PITPNC1: variants seen among roughly 807,000 people sequenced by gnomAD.
PITPNC1 encodes cytoplasmic phosphatidylinositol transfer protein 1.
PITPNC1 carries 18 observed loss-of-function variants against 44.7 expected under a neutral mutation model. The ratio of observed to expected loss-of-function variants is 0.40; its 90% CI spans 0.28 to 0.60. The LOEUF is 0.60. Among genes scored for constraint, PITPNC1 ranks in the 20% least tolerant of loss-of-function variants. PITPNC1 has a pLI of 0.39. For synonymous variants in PITPNC1, 141 were observed against 149.6 expected (o/e 0.94, Z 0.42); for missense variants, 290 against 418.4 (o/e 0.69, Z 2.68).
At chr17:67,507,504 G>C (rs2040120480) in intron 1 of PITPNC1, among the ~76,000 whole-genome samples, 1 of 151,984 alleles carries the variant, frequency 6.6e-6, no homozygotes, top group South Asian at 2.1e-4. Flanking sequence ...GGTCAACATG[G>C]TGAAACCCCA....
rs1568013489 is a variant in PITPNC1 at position 67,495,047 on chromosome 17, TTTTTG to T, written c.49-37750_49-37746del. On this transcript the variant is annotated intron_variant, in intron 1 of 8. Coordinates refer to ENST00000581322, the MANE Select transcript of PITPNC1 (RefSeq NM_012417.4). The stretch of plus-strand genomic sequence containing the variant: ...ATATTGAGCCATGGAGTTGTTTTTT[TTTTTG>T]TTTTTTTTTTTTTTTTTTTTTTGAG... Among the ~76,000 whole-genome samples, 99 of 62,362 alleles carry T rather than the reference TTTTTG, an allele frequency of 1.6e-3. 4 individuals are homozygous for T. The highest frequency in any genetic ancestry group is 3.4e-3 in the African/African-American group (51 of 14,946). 40.9% of individuals were successfully genotyped at this position (62,362 alleles called of 152,430 possible).
intron 1 of PITPNC1, among the ~76,000 whole-genome samples, chr17:67,436,129 A>T (rs188799644): frequency 6.6e-6 from 1 of 150,406 alleles, no homozygotes; most frequent in Non-Finnish European, 1.5e-5. Flanking sequence ...AGTAGCTGGG[A>T]CTACAGATGT....
chr17:67,627,154 G>A (rs1264172079), intron 5 of PITPNC1, among the ~76,000 whole-genome samples: 1 of 152,206 alleles, frequency 6.6e-6, no homozygotes, highest in Non-Finnish European at 1.5e-5. Flanking sequence ...TCAGGGGGCT[G>A]AGGCAGGAGA....
chr17:67,677,292 T>C (rs1013352122), intron 8 of PITPNC1, among the ~76,000 whole-genome samples: 1 of 152,064 alleles, frequency 6.6e-6, no homozygotes, highest in Non-Finnish European at 1.5e-5. Context: ...AAAAGAGAGG[T>C]ACCTGAAGGG....
intron 1 of PITPNC1, among the ~76,000 whole-genome samples, chr17:67,528,154 GTC>G (rs1190764205): frequency 6.6e-6 from 1 of 152,180 alleles, no homozygotes; most frequent in Non-Finnish European, 1.5e-5. Flanking sequence ...TGATTCTCCT[GTC>G]TCTGCCTCCC....
intron 5 of PITPNC1, among the ~76,000 whole-genome samples, chr17:67,590,509 C>G (rs374619661): frequency 6.6e-6 from 1 of 152,116 alleles, no homozygotes; most frequent in Non-Finnish European, 1.5e-5. Context: ...AGAAGAAAAT[C>G]ACCATTTGCA....
At chr17:67,418,955 G>T (rs374546408) in intron 1 of PITPNC1, among the ~76,000 whole-genome samples, 2 of 152,232 alleles carry the variant, frequency 1.3e-5, no homozygotes, top group Middle Eastern at 3.4e-3. Flanking sequence ...TGATGACTTG[G>T]GTAGTGTTCA....
chr17:67,619,297 G>T (rs2041800354), intron 5 of PITPNC1, among the ~76,000 whole-genome samples: 1 of 152,188 alleles, frequency 6.6e-6, no homozygotes, highest in South Asian at 2.1e-4. Flanking sequence ...TCTTGGCAAA[G>T]AGTTCTATCT....
At chr17:67,469,830 G>A (rs2039488466) in intron 1 of PITPNC1, among the ~76,000 whole-genome samples, 2 of 152,192 alleles carry the variant, frequency 1.3e-5, no homozygotes, top group Admixed American at 6.5e-5. Context: ...AGAGGCTCAG[G>A]AGGATAAAAA....
At position 67,418,646 on chromosome 17, in the gene PITPNC1, C is replaced by G. The variant is rs144644654; in HGVS notation, c.48+40444C>G. Among the ~76,000 whole-genome samples, 319 of 152,096 alleles carry G rather than the reference C, an allele frequency of 2.1e-3. 4 individuals carry two copies. Among genetic ancestry groups the G allele is most frequent in the African/African-American group, 7.2e-3 (299 of 41,492 alleles). ...TCTTGTCTCGGCTCACTGCAACCTCCACCTCCTGGGTTCTAGCTATTCTCC... is the reference window on the plus strand; with the variant it reads ...TCTTGTCTCGGCTCACTGCAACCTCGACCTCCTGGGTTCTAGCTATTCTCC... On this transcript the variant is annotated intron_variant, in intron 1 of 8. Coordinates refer to ENST00000581322, the MANE Select transcript of PITPNC1 (RefSeq NM_012417.4).
intron 6 of PITPNC1, among the ~76,000 whole-genome samples, chr17:67,662,127 G>C (rs1414310506): frequency 6.6e-6 from 1 of 152,042 alleles, no homozygotes; most frequent in East Asian, 1.9e-4. Context: ...TTTATAATAT[G>C]TCATTTACAT....
rs937146643 is a variant in PITPNC1 at position 67,628,489 on chromosome 17, C to T, written c.367-3654C>T. Reference sequence around the variant, plus strand: ...ATGTAAAGGGAACTCCAAAGGATACCCTAAGGCTGAGAGAGAATACCCAGG... The same window carrying T: ...ATGTAAAGGGAACTCCAAAGGATACTCTAAGGCTGAGAGAGAATACCCAGG... On this transcript the variant is annotated intron_variant, in intron 5 of 8. Coordinates refer to ENST00000581322, the MANE Select transcript of PITPNC1 (RefSeq NM_012417.4). Among the ~76,000 whole-genome samples the T allele has an allele frequency of 3.9e-5, 6 of 152,070 alleles. No individual in the cohort carries two copies. The East Asian group carries it at 9.6e-4, about 24-fold the overall frequency.
chr17:67,390,355 A>G (rs904637386), intron 1 of PITPNC1, among the ~76,000 whole-genome samples: 6 of 152,166 alleles, frequency 3.9e-5, no homozygotes, highest in Non-Finnish European at 8.8e-5. Context: ...AGAACTCAGG[A>G]TCCTTAGGAG....
Position 67,675,554 on chromosome 17 carries a change from T to G in PITPNC1, c.682+12T>G, listed in dbSNP as rs781285228. 3 of 1,568,186 alleles carry G rather than the reference T, an allele frequency of 1.9e-6. No individual in the cohort carries two copies. The South Asian group carries it at 3.3e-5, about 17-fold the overall frequency. On this transcript the variant is annotated intron_variant, in intron 8 of 8. Coordinates refer to ENST00000581322, the MANE Select transcript of PITPNC1 (RefSeq NM_012417.4). ...TGATGAGTGGTATGGTAAGTCAATTTCTCCAAAATAACTTGTAGAACAACT... is the reference window on the plus strand; with the variant it reads ...TGATGAGTGGTATGGTAAGTCAATTGCTCCAAAATAACTTGTAGAACAACT...
At chr17:67,666,759 G>A (rs2144396198) in intron 6 of PITPNC1, among the ~76,000 whole-genome samples, 1 of 152,288 alleles carries the variant, frequency 6.6e-6, no homozygotes, top group Admixed American at 6.5e-5. Context: ...TTTTTTAGGG[G>A]AGCTACAGTT....
At chr17:67,586,694 C>T (rs2041322759) in intron 5 of PITPNC1, among the ~76,000 whole-genome samples, 3 of 152,146 alleles carry the variant, frequency 2.0e-5, no homozygotes, top group Admixed American at 2.0e-4. Context: ...GATTCCACTG[C>T]CAAAACTACA....
In PITPNC1 at chr17:67,377,854, G is replaced by A. The variant is rs935021028; in HGVS notation, c.-301G>A. On this transcript the variant is annotated 5_prime_UTR_variant, in exon 1 of 9. Transcript: ENST00000581322. The stretch of plus-strand genomic sequence containing the variant: ...GCCGCTCCTACCACCCTGGGCAGCC[G>A]AGCAGAGTCGTCCCCAGCGGGTCTC... The A allele has an allele frequency of 5.7e-5, 20 of 352,462 alleles. No individual in the cohort carries two copies. In the South Asian group the frequency reaches 7.7e-4, roughly 14 times the overall value. The allele number at this position is 352,462 out of a possible 1,614,324, so 21.8% of individuals were successfully genotyped here.
At chr17:67,461,370 C>T (rs1428212774) in intron 1 of PITPNC1, among the ~76,000 whole-genome samples, 2 of 152,314 alleles carry the variant, frequency 1.3e-5, no homozygotes, top group South Asian at 2.1e-4. Flanking sequence ...GCTTCGGGGG[C>T]GGTGCCCAGG....
chr17:67,666,095 G>A (rs372865218), intron 6 of PITPNC1, among the ~76,000 whole-genome samples: 3 of 152,016 alleles, frequency 2.0e-5, no homozygotes, highest in East Asian at 1.9e-4. Context: ...CACCCACCTT[G>A]TCCTCCCAAA....
Sources: allele counts gnomAD v4.1 joint callset (sites outside exome capture counted in the v4.1 genomes callset), GRCh38; gene constraint gnomAD v4.1.1; transcripts MANE v1.5; gene names NCBI Gene and HGNC (gene_info 2026-07-23, HGNC 2026-07-21).